SRSF11: variants seen among roughly 807,000 people sequenced by gnomAD.
SRSF11 encodes serine and arginine rich splicing factor 11.
In SRSF11, 9 loss-of-function variants were observed where a neutral mutation model predicts 56.0. The observed-to-expected ratio is 0.16, with a 90% confidence interval of 0.10 to 0.28. The LOEUF (loss-of-function observed/expected upper bound fraction) is 0.28, where lower values mean the gene tolerates loss of function less well. Ranked by LOEUF, SRSF11 falls within the 10% of genes least tolerant of loss-of-function variation. SRSF11 has a pLI of 1.00. For missense variants in SRSF11, 421 were observed against 600.7 expected (o/e 0.70, Z 3.13); for synonymous variants, 222 against 215.3 (o/e 1.03, Z -0.27).
intron 1 of SRSF11, 110 bp downstream of exon 1, chr1:70,221,949 G>T: frequency 6.8e-7 from 1 of 1,468,176 alleles, no homozygotes; most frequent in South Asian, 1.4e-5. Context: ...GGCTGCTTGA[G>T]TGGCTGGTGG....
At chr1:70,228,805 C>G (rs1008169842) in intron 2 of SRSF11, 7 of 1,138,604 alleles carry the variant, frequency 6.1e-6, no homozygotes, top group Non-Finnish European at 7.6e-6. Context: ...AAACCATGTC[C>G]CTTATTGTAA....
intron 2 of SRSF11, chr1:70,231,683 A>T (rs1558181999): frequency 8.4e-7 from 1 of 1,183,448 alleles, no homozygotes; most frequent in Admixed American, 3.5e-5. Flanking sequence ...ATGAGTCAGC[A>T]AAAGCCCTAC....
At chr1:70,237,396 T>A in intron 5 of SRSF11, 29 bp from the exon 6 acceptor site, 1 of 1,607,716 alleles carries the variant, frequency 6.2e-7, no homozygotes, top group Non-Finnish European at 8.5e-7. Flanking sequence ...TTAAAATATT[T>A]CAGATCCCAT....
At chr1:70,249,683 G>C (rs1488661779) in intron 9 of SRSF11, 1 of 300,878 alleles carries the variant, frequency 3.3e-6, no homozygotes, top group Middle Eastern at 1.1e-3. Flanking sequence ...TCTGCCTCCT[G>C]AGTAGCTGGG....
intron 7 of SRSF11, among the ~76,000 whole-genome samples, chr1:70,242,140 G>C (rs1675575422): frequency 1.3e-5 from 2 of 148,178 alleles, no homozygotes; most frequent in South Asian, 2.1e-4. Context: ...CTGCACTCCA[G>C]CTTGGTGACA....
upstream of SRSF11, among the ~76,000 whole-genome samples, chr1:70,217,911 T>A (rs765268864): frequency 1.3e-5 from 2 of 152,230 alleles, no homozygotes; most frequent in Admixed American, 1.3e-4. Context: ...CACAGGTTCT[T>A]AGAAGTGAAG....
At chr1:70,246,439 A>C (rs1040170214) in intron 8 of SRSF11, among the ~76,000 whole-genome samples, 4 of 152,042 alleles carry the variant, frequency 2.6e-5, no homozygotes, top group African/African-American at 9.7e-5. Flanking sequence ...GTAGTGCTCT[A>C]TGGGTTTTGG....
Position 70,221,651 on chromosome 1 carries a change from C to A in SRSF11, c.15C>A (p.Thr5=), listed in dbSNP as rs200093391. The change falls in exon 1 of 12, where the codon ACC becomes ACA. Residue 5 remains threonine, a synonymous_variant. Transcript: ENST00000370949. MSNT[T]VVPSTAGPGP... Reference sequence around the variant, plus strand: ...CGAGCAGCGCCATGAGCAACACTACCGTCGTCCCCAGCACTGCAGGTCCGG... The same window carrying A: ...CGAGCAGCGCCATGAGCAACACTACAGTCGTCCCCAGCACTGCAGGTCCGG... 14 of 1,611,436 alleles carry A rather than the reference C, an allele frequency of 8.7e-6. No individual in the cohort carries two copies. The East Asian group carries it at 3.1e-4, about 36-fold the overall frequency.
At chr1:70,250,133 C>A in intron 10 of SRSF11, 86 bp downstream of exon 10, 2 of 1,339,894 alleles carry the variant, frequency 1.5e-6, no homozygotes, top group Non-Finnish European at 2.1e-6. Context: ...TTCTTTTCAG[C>A]AGTTACAGTT....
At chr1:70,206,009 G>A (rs758009389) in intron 1 of SRSF11, among the ~76,000 whole-genome samples, 4 of 152,180 alleles carry the variant, frequency 2.6e-5, no homozygotes, top group Non-Finnish European at 5.9e-5. Context: ...TGTGGTGGTG[G>A]CGCCAGACCT....
In SRSF11 at chr1:70,232,359, T is replaced by C; in HGVS notation, c.429T>C (p.Thr143=). 6 of 1,613,630 alleles carry C rather than the reference T, an allele frequency of 3.7e-6. No individual in the cohort carries two copies. Among genetic ancestry groups the C allele is most frequent in the Non-Finnish European group, 5.1e-6 (6 of 1,179,796 alleles). ...TGCCTGGTGGTGGACTCCTGCCTAC[T>C]CCTAACCCACTTACCCAGGTACTAG... ...GLLPGGGLLP[T]PNPLTQIGAV... Residue 143 remains threonine (T), a synonymous_variant, in exon 3 of 12, where the codon ACT becomes ACC. Coordinates refer to ENST00000370949, the MANE Select transcript of SRSF11 (RefSeq NM_001350605.2).
intron 3 of SRSF11, 71 bp from the exon 4 acceptor site, chr1:70,234,625 A>G (rs2100784790): frequency 1.6e-6 from 2 of 1,266,766 alleles, no homozygotes; most frequent in East Asian, 4.8e-5. Flanking sequence ...CCTTTACATT[A>G]AAAAAGTATT....
chr1:70,220,367 T>C (rs1670420125), upstream of SRSF11, among the ~76,000 whole-genome samples: 2 of 152,294 alleles, frequency 1.3e-5, no homozygotes, highest in South Asian at 4.1e-4. Context: ...CTGGATGCAG[T>C]TGAGAGAATA....
upstream of SRSF11, among the ~76,000 whole-genome samples, chr1:70,217,460 T>G (rs1044940090): frequency 2.6e-5 from 4 of 152,150 alleles, no homozygotes; most frequent in Non-Finnish European, 4.4e-5. Flanking sequence ...CCTGGCTGTG[T>G]TGTTTTTTTA....
At position 70,244,669 on chromosome 1, in the gene SRSF11, C is replaced by T. The variant is rs1420148063; in HGVS notation, c.801-15C>T. On this transcript the variant is annotated splice_polypyrimidine_tract_variant and intron_variant, in intron 7 of 11. Coordinates refer to ENST00000370949, the MANE Select transcript of SRSF11 (RefSeq NM_001350605.2). The stretch of plus-strand genomic sequence containing the variant: ...ACATTTATACACATGTATTGGCTTC[C>T]TTTTACACTATTAGGCGGTCAAGAA... 6 of 1,610,662 alleles carry T rather than the reference C, an allele frequency of 3.7e-6. No homozygotes were observed. The South Asian group carries it at 6.6e-5, about 18-fold the overall frequency.
At position 70,237,405 on chromosome 1, in the gene SRSF11, A is replaced by G. The variant is rs1350018574; in HGVS notation, c.591-20A>G. 1.9e-6 allele frequency: 3 copies of G among 1,609,322 alleles called. No individual in the cohort carries two copies. Among genetic ancestry groups the G allele is most frequent in the African/African-American group, 1.3e-5 (1 of 74,572 alleles). ...TGCATTTTAAAATATTTCAGATCCC[A>G]TTTCTTGGTTCTGTTTCAGGTTGAA... On this transcript the variant is annotated intron_variant, in intron 5 of 11. Coordinates refer to ENST00000370949, the MANE Select transcript of SRSF11 (RefSeq NM_001350605.2).
At chr1:70,223,756 A>G (rs551757548) in intron 1 of SRSF11, among the ~76,000 whole-genome samples, 26 of 152,348 alleles carry the variant, frequency 1.7e-4, no homozygotes, top group African/African-American at 4.3e-4. Flanking sequence ...TTTTTTAACT[A>G]TAAGTTTCAA....
rs533969858 is a variant in SRSF11, at chr1:70,214,950, A to G, written c.-25-6662A>G. ...GTCTTGCCCTGTCGCCTAGGCTGGA[A>G]TGCAATGGCACAATCTCAGCTTACT... On this transcript the variant is annotated intron_variant, in intron 1 of 12. Transcript: ENST00000370950. 3.1e-4 allele frequency among the ~76,000 whole-genome samples: 46 copies of G among 147,522 alleles called. 2 individuals are homozygous for G. Among genetic ancestry groups the G allele is most frequent in the Non-Finnish European group, 4.4e-5 (3 of 67,502 alleles).
chr1:70,231,590 T>A, intron 2 of SRSF11: 1 of 1,129,318 alleles, frequency 8.9e-7, no homozygotes, highest in Non-Finnish European at 1.1e-6. Context: ...CATGTTGTTT[T>A]ACCTATCTCT....
Sources: gnomAD v4.1 joint callset for allele counts (sites outside exome capture counted in the v4.1 genomes callset) on GRCh38, gnomAD v4.1.1 for gene constraint, MANE v1.5 for transcripts, NCBI Gene and HGNC (gene_info 2026-07-23, HGNC 2026-07-21) for gene names.